The following ASZ1 variants were observed in gnomAD, a reference collection of about 807,000 sequenced individuals.
ASZ1 encodes the protein ankyrin repeat, SAM and basic leucine zipper domain-containing protein 1.
Under a neutral mutation model 61.8 loss-of-function variants are expected in ASZ1, and 67 were observed. The ratio of observed to expected loss-of-function variants is 1.08; its 90% CI spans 0.89 to 1.33. The LOEUF (loss-of-function observed/expected upper bound fraction) is 1.33, where lower values mean the gene tolerates loss of function less well. ASZ1 is among the 40% of genes most tolerant of loss of function. The pLI, the probability that ASZ1 is intolerant of heterozygous loss-of-function variation, is 0.00. For missense variants in ASZ1, 577 were observed against 554.5 expected, an observed-to-expected ratio of 1.04 and a Z score of -0.41; for synonymous variants, 193 against 192.7, an observed-to-expected ratio of 1.00 and a Z score of -0.01.
At chr7:117,407,068 A>C (rs1018557065) in intron 4 of ASZ1, among the ~76,000 whole-genome samples, 3 of 152,156 alleles carry the variant, frequency 2.0e-5, no homozygotes, top group African/African-American at 7.2e-5. Flanking sequence ...AACACCGATC[A>C]GTGTGCACAT....
At chr7:117,404,773 C>T (rs561178253) in intron 4 of ASZ1, among the ~76,000 whole-genome samples, 1 of 152,198 alleles carries the variant, frequency 6.6e-6, no homozygotes, top group East Asian at 1.9e-4. Flanking sequence ...CCCCTTGAAG[C>T]CCACAACCAC....
intron 12 of ASZ1, among the ~76,000 whole-genome samples, chr7:117,365,239 A>T (rs1009200865): frequency 6.6e-6 from 1 of 152,196 alleles, no homozygotes; most frequent in Non-Finnish European, 1.5e-5. Flanking sequence ...AAACTAATAC[A>T]TGTTTTCAAG....
intron 4 of ASZ1, among the ~76,000 whole-genome samples, chr7:117,407,602 T>C (rs758657957): frequency 1.3e-5 from 2 of 152,142 alleles, no homozygotes; most frequent in Admixed American, 1.3e-4. Flanking sequence ...GAACTAAGAA[T>C]AAAACAATTG....
At chr7:117,382,899 T>C in intron 7 of ASZ1, 87 bp downstream of exon 7, 1 of 1,296,456 alleles carries the variant, frequency 7.7e-7, no homozygotes, top group Non-Finnish European at 1.0e-6. Flanking sequence ...TATCATATAT[T>C]TTAAATAAGT....
chr7:117,395,677 T>TAC (rs1294925627), intron 4 of ASZ1, among the ~76,000 whole-genome samples: 1 of 152,176 alleles, frequency 6.6e-6, no homozygotes, highest in African/African-American at 2.4e-5. Context: ...TAAAAACTAC[T>TAC]ACACTGTATG....
chr7:117,382,092 C>A lies in ASZ1; in HGVS notation c.865G>T (p.Glu289Ter). Residue 289 changes from glutamate (E) to a stop codon, truncating the protein, a stop_gained, in exon 8 of 13, where the codon GAA becomes TAA. Transcript: ENST00000284629. LOFTEE classifies it high-confidence loss of function. ...LEVFLHGLGL[E>*]HMTDLLKERD... ...ACCTTTAGTAAATCTGTCATATGTT[C>A]AAGTCCAAGACCATGTAAAAATACT... 1 of 1,595,202 alleles carries A rather than the reference C, an allele frequency of 6.3e-7. No individual in the cohort carries two copies. Among genetic ancestry groups the A allele is most frequent in the South Asian group, 1.1e-5 (1 of 90,580 alleles).
rs1326236987 is a variant in ASZ1 at position 117,422,230 on chromosome 7, A to G, written c.328+7T>C. The G allele has an allele frequency of 4.3e-6, 7 of 1,611,836 alleles. No homozygotes were observed. Among genetic ancestry groups the G allele is most frequent in the Non-Finnish European group, 5.9e-6 (7 of 1,179,400 alleles). On this transcript the variant is annotated splice_region_variant and intron_variant, in intron 3 of 12. Transcript: ENST00000284629. ...CATAATCATTTAAGTTATCTAAAAC[A>G]TCTTACCCTTCTCAAAGCTTGCATT...
At chr7:117,389,793 G>T (rs1328707162) in intron 4 of ASZ1, among the ~76,000 whole-genome samples, 2 of 152,146 alleles carry the variant, frequency 1.3e-5, no homozygotes, top group South Asian at 4.1e-4. Flanking sequence ...CATGAGCCTG[G>T]CCATTCTCCA....
At chr7:117,411,178 A>C (rs1258282647) in intron 4 of ASZ1, among the ~76,000 whole-genome samples, 1 of 151,774 alleles carries the variant, frequency 6.6e-6, no homozygotes, top group Non-Finnish European at 1.5e-5. Context: ...TGCTTTCAAA[A>C]GGTCCAGGTA....
chr7:117,387,142 C>CT (rs1183927199), intron 4 of ASZ1, among the ~76,000 whole-genome samples: 2 of 111,014 alleles, frequency 1.8e-5, no homozygotes, highest in African/African-American at 9.0e-5. Context: ...TCTACCTCTA[C>CT]TTAAAAAAAA....
chr7:117,395,196 CCATT>C (rs1177998160), intron 4 of ASZ1, among the ~76,000 whole-genome samples: 2 of 152,116 alleles, frequency 1.3e-5, no homozygotes, highest in African/African-American at 4.8e-5. Context: ...GACTCTTTTT[CCATT>C]CCAGAGATAA....
At chr7:117,382,291 A>G in intron 7 of ASZ1, 147 bp from the exon 8 acceptor site, 2 of 590,772 alleles carry the variant, frequency 3.4e-6, no homozygotes, top group Middle Eastern at 4.4e-4. Context: ...ATGCTATATC[A>G]AAGGAATAAG....
chr7:117,381,744 A>T (rs1796258330), intron 8 of ASZ1, among the ~76,000 whole-genome samples: 1 of 152,102 alleles, frequency 6.6e-6, no homozygotes, highest in Non-Finnish European at 1.5e-5. Context: ...ATCTGATACC[A>T]GGTGTTTGGT....
intron 4 of ASZ1, among the ~76,000 whole-genome samples, chr7:117,395,997 G>T (rs1159086355): frequency 6.6e-6 from 1 of 152,126 alleles, no homozygotes; most frequent in Non-Finnish European, 1.5e-5. Flanking sequence ...TAAGAAGTCT[G>T]CCAACCTCTG....
In ASZ1 at chr7:117,380,988, G is replaced by A. The variant is rs777168123; in HGVS notation, c.945+23C>T. On this transcript the variant is annotated intron_variant, in intron 9 of 12. Coordinates refer to ENST00000284629, the MANE Select transcript of ASZ1 (RefSeq NM_130768.3). ...TTAAAAACATCAAACAATGTATCGG[G>A]AATTTTTGAAATTGATACTAACCTT... The A allele has an allele frequency of 2.6e-6, 4 of 1,545,346 alleles. No individual in the cohort carries two copies. In the Admixed American group the frequency reaches 5.7e-5, roughly 22 times the overall value.
At chr7:117,380,824 T>C (rs1213975560) in intron 9 of ASZ1, among the ~76,000 whole-genome samples, 187 bp downstream of exon 9, 1 of 151,966 alleles carries the variant, frequency 6.6e-6, no homozygotes, top group African/African-American at 2.4e-5. Flanking sequence ...CATTACATGT[T>C]CTTAAAGTAA....
At chr7:117,367,613 T>A in intron 11 of ASZ1, 148 bp from the exon 12 acceptor site, 2 of 1,144,428 alleles carry the variant, frequency 1.7e-6, no homozygotes, top group Non-Finnish European at 2.2e-6. Flanking sequence ...ACACCAAAAA[T>A]AAGTAATTTT....
intron 4 of ASZ1, among the ~76,000 whole-genome samples, chr7:117,400,944 A>G (rs1440398506): frequency 6.6e-6 from 1 of 152,202 alleles, no homozygotes; most frequent in African/African-American, 2.4e-5. Context: ...GTCAGAAGAA[A>G]ATTAAATATT....
chr7:117,385,898 T>C, intron 4 of ASZ1, 89 bp from the exon 5 acceptor site: 4 of 1,024,800 alleles, frequency 3.9e-6, no homozygotes, highest in Non-Finnish European at 5.8e-6. Flanking sequence ...ATACCACCAG[T>C]ACTGCTTTGA....
Sources: gnomAD v4.1 joint callset for allele counts (sites outside exome capture counted in the v4.1 genomes callset) on GRCh38, gnomAD v4.1.1 for gene constraint, MANE v1.5 for transcripts, NCBI Gene and HGNC (gene_info 2026-07-23, HGNC 2026-07-21) for gene names.